KCNMA1: variants seen among roughly 807,000 people sequenced by gnomAD.
The protein encoded by KCNMA1 is potassium calcium-activated channel subfamily M alpha 1.
A neutral mutation model predicts 140.0 loss-of-function variants in KCNMA1; 29 were observed. That is an observed-to-expected ratio of 0.21 (90% CI 0.15 to 0.28). The LOEUF (loss-of-function observed/expected upper bound fraction) is 0.28, where lower values mean the gene tolerates loss of function less well. Ranked by LOEUF, KCNMA1 falls within the 10% of genes least tolerant of loss-of-function variation. The pLI is 1.00. For missense variants in KCNMA1, 880 were observed against 1,602.2 expected, an observed-to-expected ratio of 0.55 and a Z score of 7.70; for synonymous variants, 612 against 611.9, an observed-to-expected ratio of 1.00 and a Z score of 0.00.
At chr10:77,125,065 A>T (rs919342910) in intron 5 of KCNMA1, among the ~76,000 whole-genome samples, 10 of 152,246 alleles carry the variant, frequency 6.6e-5, no homozygotes, top group African/African-American at 2.4e-4. Context: ...GAACAGCAGC[A>T]TGGGGGTAAC....
intron 1 of KCNMA1, 192 bp downstream of exon 1, chr10:77,637,073 T>C (rs1335202850): frequency 3.0e-6 from 4 of 1,355,466 alleles, no homozygotes; most frequent in Non-Finnish European, 3.9e-6. Flanking sequence ...GGGCAACTCC[T>C]CACCCCCGGC....
intron 1 of KCNMA1, among the ~76,000 whole-genome samples, chr10:77,579,510 A>G (rs887693130): frequency 1.3e-5 from 2 of 152,206 alleles, no homozygotes; most frequent in Admixed American, 1.3e-4. Flanking sequence ...ATATCTTATC[A>G]TGTTCATATG....
At chr10:76,968,592 G>A (rs2153131993) in intron 20 of KCNMA1, among the ~76,000 whole-genome samples, 1 of 152,268 alleles carries the variant, frequency 6.6e-6, no homozygotes, top group Non-Finnish European at 1.5e-5. Context: ...TTACCTAAAG[G>A]TGAGTAAATA....
intron 3 of KCNMA1, chr10:77,249,418 A>T (rs2059269028): frequency 6.6e-6 from 1 of 152,224 alleles, no homozygotes; most frequent in South Asian, 2.1e-4. Flanking sequence ...GTAAAAAAAG[A>T]CACAATCCAA....
At chr10:76,927,359 C>T (rs188775169) in intron 23 of KCNMA1, among the ~76,000 whole-genome samples, 6 of 152,250 alleles carry the variant, frequency 3.9e-5, no homozygotes, top group East Asian at 3.9e-4. Flanking sequence ...GAGAAACCAC[C>T]GCAATTAGGC....
chr10:77,012,619 A>C (rs1282333181), intron 17 of KCNMA1: 1 of 1,329,640 alleles, frequency 7.5e-7, no homozygotes, highest in Non-Finnish European at 1.1e-6. Flanking sequence ...CCCCCTCTGG[A>C]GTTTCACAGC....
chr10:77,027,626 G>T (rs1305208514), intron 16 of KCNMA1, among the ~76,000 whole-genome samples, 197 bp downstream of exon 16: 1 of 152,202 alleles, frequency 6.6e-6, no homozygotes, highest in Non-Finnish European at 1.5e-5. Flanking sequence ...AGGGCTTTGG[G>T]TGCCAGGCTG....
At chr10:76,890,655 G>A (rs752710705) in intron 26 of KCNMA1, among the ~76,000 whole-genome samples, 4 of 152,134 alleles carry the variant, frequency 2.6e-5, no homozygotes, top group Non-Finnish European at 4.4e-5. Context: ...CTTTCTGGGC[G>A]ACACCATTGT....
chr10:77,356,758 C>T (rs990136138), intron 2 of KCNMA1, among the ~76,000 whole-genome samples: 3 of 152,108 alleles, frequency 2.0e-5, no homozygotes, highest in African/African-American at 7.2e-5. Context: ...ACTCTCAATC[C>T]CTCTGTTTTA....
At position 76,891,661 on chromosome 10, in the gene KCNMA1, G is replaced by A; in HGVS notation, c.3206C>T (p.Thr1069Met). The change falls in exon 26 of 28, where the codon ACG becomes ATG. Residue 1069 changes from threonine to methionine, a missense_variant. Thr to Met is a moderately conservative substitution (Grantham distance 81, BLOSUM62 -1). Around this residue, in one of 13 missense-constraint regions of KCNMA1, gnomAD observed 18 missense variants for 51.3 expected, o/e 0.35. Coordinates refer to ENST00000286628, the MANE Select transcript of KCNMA1 (RefSeq NM_001161352.2). ...AGCAATCAGAGCCTCCAGCTCCGGC[G>A]TGGCTCCTCCGGTCACCAGGGTCCG... ...LIRTLVTGGA[T>M]PELEALIAEE... is the part of the protein sequence containing the mutation. 2 of 1,614,098 alleles carry A rather than the reference G, an allele frequency of 1.2e-6. No individual in the cohort carries two copies. Among genetic ancestry groups the A allele is most frequent in the Non-Finnish European group, 8.5e-7 (1 of 1,180,018 alleles).
intron 14 of KCNMA1, among the ~76,000 whole-genome samples, chr10:77,042,687 T>C (rs1346479745): frequency 6.6e-6 from 1 of 152,222 alleles, no homozygotes; most frequent in Non-Finnish European, 1.5e-5. Flanking sequence ...CTTTTAGTTT[T>C]GGTCAGAATT....
At chr10:77,583,478 A>T (rs776661137) in intron 1 of KCNMA1, among the ~76,000 whole-genome samples, 2 of 152,236 alleles carry the variant, frequency 1.3e-5, no homozygotes, top group Non-Finnish European at 2.9e-5. Context: ...TCATCTCAAA[A>T]GGAGGTGATG....
intron 15 of KCNMA1, among the ~76,000 whole-genome samples, chr10:77,031,173 C>T (rs1229817040): frequency 6.6e-6 from 1 of 152,230 alleles, no homozygotes; most frequent in East Asian, 1.9e-4. Context: ...AATGAAGTGG[C>T]AGTCACAAGC....
chr10:76,891,462 G>C, intron 26 of KCNMA1, 63 bp downstream of exon 26: 1 of 1,319,646 alleles, frequency 7.6e-7, no homozygotes, highest in East Asian at 2.3e-5. Context: ...CTGATACCAC[G>C]TTCTTCAGGA....
downstream of KCNMA1, chr10:76,877,509 A>G (rs1202666550): frequency 8.9e-6 from 3 of 337,316 alleles, no homozygotes; most frequent in Non-Finnish European, 1.7e-5. Context: ...GCTAGAGGCT[A>G]TACATGACTA....
At chr10:77,014,504 C>CATTG (rs150107244) in intron 17 of KCNMA1, among the ~76,000 whole-genome samples, 8,037 of 151,900 alleles carry the variant, frequency 0.053, 273 homozygotes, top group Middle Eastern at 0.085. Flanking sequence ...ATAGTCACCA[C>CATTG]ATTGAACAAT....
intron 12 of KCNMA1, 134 bp downstream of exon 12, chr10:77,084,503 C>T (rs1447452338): frequency 4.0e-6 from 3 of 750,220 alleles, no homozygotes; most frequent in South Asian, 3.0e-5. Context: ...CAGGCCTATG[C>T]AGCTGGTGAG....
At chr10:77,533,269 G>A (rs1463865200) in intron 1 of KCNMA1, among the ~76,000 whole-genome samples, 2 of 152,064 alleles carry the variant, frequency 1.3e-5, no homozygotes, top group South Asian at 4.2e-4. Flanking sequence ...CACAACCAGA[G>A]CCCCAAGGAG....
chr10:77,019,238 G>T (rs920216196), intron 16 of KCNMA1, 139 bp from the exon 17 acceptor site: 3 of 671,008 alleles, frequency 4.5e-6, no homozygotes, highest in Non-Finnish European at 8.1e-6. Flanking sequence ...TTTGTCCAGA[G>T]TCCAATGTCC....
Sources: gnomAD v4.1 joint callset for allele counts (sites outside exome capture counted in the v4.1 genomes callset) on GRCh38, gnomAD v4.1.1 for gene constraint, gnomAD v4.1.1 regional missense constraint, MANE v1.5 for transcripts, NCBI Gene and HGNC (gene_info 2026-07-23, HGNC 2026-07-21) for gene names.